The following FER variants were observed in gnomAD, a reference collection of about 807,000 sequenced individuals.
FER encodes the protein FER tyrosine kinase.
In FER, 63 loss-of-function variants were observed where a neutral mutation model predicts 111.0. The observed-to-expected ratio is 0.57, with a 90% CI of 0.46 to 0.70. FER has a LOEUF of 0.70. Among genes scored for constraint, FER ranks in the 30% least tolerant of loss-of-function variants. The pLI is 0.00. For synonymous variants in FER, 327 were observed against 313.9 expected (o/e 1.04, Z -0.44); for missense variants, 914 against 954.0 (o/e 0.96, Z 0.55).
At chr5:108,749,047 G>C (rs1750105823) in intron 1 of FER, 1 of 152,644 alleles carries the variant, frequency 6.6e-6, no homozygotes, top group South Asian at 2.1e-4. Context: ...GGCAACGCGG[G>C]GGGAGGGGGG....
chr5:108,946,336 A>G, intron 11 of FER, 114 bp downstream of exon 11: 1 of 627,696 alleles, frequency 1.6e-6, no homozygotes. Context: ...GTATATACAT[A>G]TATAAATTTG....
intron 13 of FER, among the ~76,000 whole-genome samples, chr5:109,027,030 T>C (rs1768848843): frequency 6.6e-6 from 1 of 152,206 alleles, no homozygotes; most frequent in Non-Finnish European, 1.5e-5. Flanking sequence ...AGCTCCAAAA[T>C]ACCATGTTGT....
chr5:109,162,401 C>T (rs1056428908), intron 17 of FER, among the ~76,000 whole-genome samples: 1 of 152,048 alleles, frequency 6.6e-6, no homozygotes, highest in African/African-American at 2.4e-5. Context: ...TTTACTTGTA[C>T]TGTGTTACCA....
At chr5:109,049,434 G>A (rs1480199073) in intron 16 of FER, among the ~76,000 whole-genome samples, 1 of 152,150 alleles carries the variant, frequency 6.6e-6, no homozygotes, top group Admixed American at 6.5e-5. Flanking sequence ...GCATCTCTTA[G>A]CTCCTTGAGG....
rs1218104910 is a variant in FER at position 109,196,489 on chromosome 5, C to T, written c.*8914C>T. The T allele has an allele frequency of 1.3e-5, 2 of 152,164 alleles. No homozygotes were observed. The highest frequency in any genetic ancestry group is 2.9e-5 in the Non-Finnish European group (2 of 68,008). The allele number at this position is 152,164 out of a possible 1,614,324, so 9.4% of individuals were successfully genotyped here. On this transcript the variant is annotated 3_prime_UTR_variant, in exon 20 of 20. Coordinates refer to ENST00000281092, the MANE Select transcript of FER (RefSeq NM_005246.4). ...CTTCTGGAAAGTTCAGTGTAAAACA[C>T]AAACAAGGCTTTGGCGGGTTTATCT...
chr5:109,139,016 G>A (rs917288683), intron 17 of FER, among the ~76,000 whole-genome samples: 2 of 152,112 alleles, frequency 1.3e-5, no homozygotes, highest in Non-Finnish European at 2.9e-5. Flanking sequence ...GGTTTCAGAG[G>A]GAACAAAGAT....
intron 2 of FER, among the ~76,000 whole-genome samples, chr5:108,788,656 A>C (rs1344163501): frequency 6.7e-6 from 1 of 149,900 alleles, no homozygotes; most frequent in Non-Finnish European, 1.5e-5. Flanking sequence ...CCAGGTTCTC[A>C]TGGGTTTTAT....
chr5:109,162,488 C>T (rs902072245), intron 17 of FER, among the ~76,000 whole-genome samples: 1 of 152,170 alleles, frequency 6.6e-6, no homozygotes, highest in Non-Finnish European at 1.5e-5. Context: ...TAGAGCCTCA[C>T]ATTCCCCAGC....
At chr5:109,152,806 T>C (rs1201657048) in intron 17 of FER, among the ~76,000 whole-genome samples, 1 of 151,956 alleles carries the variant, frequency 6.6e-6, no homozygotes, top group Admixed American at 6.6e-5. Context: ...GTGGAACCTG[T>C]AGTTTTATGC....
At chr5:109,071,122 T>G (rs1352869352) in intron 16 of FER, among the ~76,000 whole-genome samples, 2 of 152,030 alleles carry the variant, frequency 1.3e-5, no homozygotes, top group African/African-American at 2.4e-5. Flanking sequence ...ATAATTAAAT[T>G]TCACTGGTTT....
chr5:109,051,326 C>T (rs1772770968), intron 16 of FER: 5 of 1,594,800 alleles, frequency 3.1e-6, no homozygotes, highest in African/African-American at 1.3e-5. Context: ...ATCTCCAGGT[C>T]ATCAGGCTGA....
At chr5:108,975,779 T>A (rs72789334) in intron 13 of FER, among the ~76,000 whole-genome samples, 9,363 of 152,250 alleles carry the variant, frequency 0.061, 403 homozygotes, top group Middle Eastern at 0.16. Flanking sequence ...TACGAATCAT[T>A]AGCTTAGTTA....
chr5:108,849,452 G>A (rs559501719), intron 5 of FER, among the ~76,000 whole-genome samples: 202 of 129,224 alleles, frequency 1.6e-3, no homozygotes, highest in African/African-American at 5.4e-3. Context: ...TCTGGTGGTG[G>A]TTTTGTTGTT....
chr5:108,967,927 G>T (rs923776306), intron 13 of FER, among the ~76,000 whole-genome samples: 17 of 152,102 alleles, frequency 1.1e-4, no homozygotes, highest in Admixed American at 8.5e-4. Flanking sequence ...GGAGGTTTTG[G>T]CTTGGAGTTG....
intron 1 of FER, among the ~76,000 whole-genome samples, chr5:108,760,341 G>T (rs575000799): frequency 2.6e-5 from 4 of 152,218 alleles, no homozygotes; most frequent in Non-Finnish European, 4.4e-5. Context: ...TGAGCATTGG[G>T]TTCAACTTAA....
intron 10 of FER, among the ~76,000 whole-genome samples, chr5:108,919,278 G>A (rs934347092): frequency 1.3e-5 from 2 of 149,310 alleles, no homozygotes; most frequent in African/African-American, 4.9e-5. Context: ...ATTTCACTTT[G>A]TAGATTTTTT....
rs569699017 is a variant in FER at position 108,755,916 on chromosome 5, C to T, written c.-206+7916C>T. On this transcript the variant is annotated intron_variant, in intron 1 of 19. Transcript: ENST00000281092. ...CCTGTAATCCCAGCACTTTGGGAGGCCGAGGTGGGTGGATCACCTGAGGTC... is the reference window on the plus strand; with the variant it reads ...CCTGTAATCCCAGCACTTTGGGAGGTCGAGGTGGGTGGATCACCTGAGGTC... Among the ~76,000 whole-genome samples the T allele has an allele frequency of 3.3e-5, 5 of 150,450 alleles. No individual in the cohort carries two copies. In the East Asian group the frequency reaches 1.0e-3, roughly 30 times the overall value.
At chr5:108,770,491 A>G (rs768165195) in intron 2 of FER, among the ~76,000 whole-genome samples, 43 of 151,880 alleles carry the variant, frequency 2.8e-4, no homozygotes, top group Non-Finnish European at 4.6e-4. Flanking sequence ...TTCTTTCTTT[A>G]TGGGACAGAG....
At chr5:108,881,254 G>A (rs1345649955) in intron 8 of FER, among the ~76,000 whole-genome samples, 13 of 152,144 alleles carry the variant, frequency 8.5e-5, no homozygotes, top group Admixed American at 8.5e-4. Context: ...AAGTTTAATG[G>A]ACTTACAGTT....
Sources: allele counts gnomAD v4.1 joint callset (sites outside exome capture counted in the v4.1 genomes callset), GRCh38; gene constraint gnomAD v4.1.1; transcripts MANE v1.5; gene names NCBI Gene and HGNC (gene_info 2026-07-23, HGNC 2026-07-21).